NTNG1: variants seen among roughly 807,000 people sequenced by gnomAD.
NTNG1 encodes the protein netrin G1.
NTNG1 carries 16 observed loss-of-function variants against 54.0 expected under a neutral mutation model. The observed-to-expected ratio is 0.30, with a 90% CI of 0.20 to 0.45. The LOEUF (loss-of-function observed/expected upper bound fraction) is 0.45, where lower values mean the gene tolerates loss of function less well. Among genes scored for constraint, NTNG1 ranks in the 20% least tolerant of loss-of-function variants. The pLI is 1.00. For synonymous variants in NTNG1, 255 were observed against 263.1 expected (o/e 0.97, Z 0.30); for missense variants, 530 against 678.7 (o/e 0.78, Z 2.43).
At chr1:107,199,528 T>C (rs576225763) in intron 2 of NTNG1, among the ~76,000 whole-genome samples, 1 of 151,924 alleles carries the variant, frequency 6.6e-6, no homozygotes, top group Non-Finnish European at 1.5e-5. Context: ...ATTATCTCAA[T>C]GTCACATCAA....
intron 5 of NTNG1, among the ~76,000 whole-genome samples, chr1:107,415,536 G>C (rs888161574): frequency 8.5e-5 from 13 of 152,086 alleles, no homozygotes; most frequent in African/African-American, 2.9e-4. Context: ...TTAACAGCCA[G>C]ATAGCTCCTC....
chr1:107,402,391 G>A (rs568662591), intron 4 of NTNG1, among the ~76,000 whole-genome samples: 2 of 152,220 alleles, frequency 1.3e-5, no homozygotes, highest in South Asian at 2.1e-4. Flanking sequence ...ATGCTAGGAC[G>A]GTACTGTCAC....
intron 2 of NTNG1, among the ~76,000 whole-genome samples, chr1:107,163,519 T>C (rs7553752): frequency 0.56 from 85,898 of 152,044 alleles, 26,553 homozygotes; most frequent in African/African-American, 0.83. Context: ...CTTTCTGAAA[T>C]GTGTCTGGCT....
chr1:107,181,420 G>A (rs1268001893), intron 2 of NTNG1, among the ~76,000 whole-genome samples: 1 of 152,142 alleles, frequency 6.6e-6, no homozygotes, highest in Non-Finnish European at 1.5e-5. Context: ...TGGCTAGAAA[G>A]TTGTGTAAAG....
At chr1:107,407,860 A>G (rs1570894878) in intron 5 of NTNG1, 152 bp downstream of exon 5, 2 of 772,598 alleles carry the variant, frequency 2.6e-6, no homozygotes, top group East Asian at 4.9e-5. Context: ...GGTTTTCTGC[A>G]CAGATCTGGT....
At chr1:107,189,835 G>A (rs982176154) in intron 2 of NTNG1, among the ~76,000 whole-genome samples, 2 of 149,754 alleles carry the variant, frequency 1.3e-5, no homozygotes, top group East Asian at 1.9e-4. Context: ...AAAAAAAAGG[G>A]GGGGGCCTTA....
chr1:107,260,399 C>T (rs1157581427), intron 2 of NTNG1, among the ~76,000 whole-genome samples: 3 of 152,182 alleles, frequency 2.0e-5, no homozygotes, highest in Non-Finnish European at 4.4e-5. Context: ...ACAATGGGAT[C>T]CCCATTTCAC....
At chr1:107,261,809 C>CTCCA (rs1296500595) in intron 2 of NTNG1, among the ~76,000 whole-genome samples, 3 of 152,168 alleles carry the variant, frequency 2.0e-5, no homozygotes, top group Non-Finnish European at 4.4e-5. Flanking sequence ...CACCACTGCA[C>CTCCA]TCCAGCCTGG....
intron 2 of NTNG1, among the ~76,000 whole-genome samples, chr1:107,264,275 G>C (rs1397902411): frequency 1.3e-5 from 2 of 152,150 alleles, no homozygotes; most frequent in African/African-American, 4.8e-5. Flanking sequence ...GTGACAGTGA[G>C]AGAGACTTCT....
chr1:107,419,951 C>T (rs1674474262), intron 5 of NTNG1, among the ~76,000 whole-genome samples: 1 of 152,042 alleles, frequency 6.6e-6, no homozygotes, highest in Non-Finnish European at 1.5e-5. Flanking sequence ...ACAGATCAAG[C>T]TTGCCCCTAT....
At chr1:107,382,640 C>A (rs1369717378) in intron 3 of NTNG1, among the ~76,000 whole-genome samples, 1 of 152,030 alleles carries the variant, frequency 6.6e-6, no homozygotes, top group Non-Finnish European at 1.5e-5. Context: ...TTTCAGGGTT[C>A]TTTGTGTCTT....
intron 5 of NTNG1, chr1:107,421,079 T>C: frequency 6.2e-7 from 1 of 1,603,024 alleles, no homozygotes; most frequent in Non-Finnish European, 8.5e-7. Flanking sequence ...TTTAAACCTA[T>C]CCAGTTGCTC....
rs557746314 is a variant in NTNG1 at position 107,451,438 on chromosome 1, T to G, written c.1390+14639T>G. ...GCCCTAACACGGTTAACCAAAAATG[T>G]AAAAATGAGAAGGAAACATAACCTC... On this transcript the variant is annotated intron_variant, in intron 7 of 7. Coordinates refer to ENST00000370068, the MANE Select transcript of NTNG1 (RefSeq NM_001113226.3). Among the ~76,000 whole-genome samples the G allele has an allele frequency of 2.6e-5, 4 of 152,052 alleles. No homozygotes were observed. The East Asian group carries it at 5.8e-4, about 22-fold the overall frequency.
intron 2 of NTNG1, among the ~76,000 whole-genome samples, chr1:107,166,860 A>G (rs1655834422): frequency 6.6e-6 from 1 of 152,192 alleles, no homozygotes; most frequent in African/African-American, 2.4e-5. Context: ...CAATATCTAC[A>G]TAACAGTAGA....
intron 2 of NTNG1, among the ~76,000 whole-genome samples, chr1:107,293,761 A>G (rs1441237399): frequency 1.3e-5 from 2 of 152,206 alleles, no homozygotes; most frequent in Non-Finnish European, 2.9e-5. Context: ...AGAGCACTCA[A>G]TAAAAATTAA....
At chr1:107,448,323 A>G (rs1354864123) in intron 7 of NTNG1, among the ~76,000 whole-genome samples, 1 of 152,112 alleles carries the variant, frequency 6.6e-6, no homozygotes, top group Non-Finnish European at 1.5e-5. Flanking sequence ...AGCCATTTAT[A>G]GTCTTGCCAA....
chr1:107,336,635 A>C (rs138875485), intron 3 of NTNG1, among the ~76,000 whole-genome samples: 1 of 152,168 alleles, frequency 6.6e-6, no homozygotes, highest in Non-Finnish European at 1.5e-5. Context: ...GAACGTCATC[A>C]AAATTAACAA....
At chr1:107,456,101 G>T (rs1042466095) in intron 7 of NTNG1, among the ~76,000 whole-genome samples, 15 of 152,164 alleles carry the variant, frequency 9.9e-5, no homozygotes, top group African/African-American at 3.6e-4. Context: ...CTTAGAAACA[G>T]AAAACCATTA....
intron 2 of NTNG1, among the ~76,000 whole-genome samples, chr1:107,167,033 G>T (rs1037249967): frequency 1.1e-4 from 17 of 152,194 alleles, no homozygotes; most frequent in African/African-American, 4.1e-4. Context: ...AGGACATTCT[G>T]TAATCCCAGC....
Sources: gnomAD v4.1 joint callset for allele counts (sites outside exome capture counted in the v4.1 genomes callset) on GRCh38, gnomAD v4.1.1 for gene constraint, MANE v1.5 for transcripts, NCBI Gene and HGNC (gene_info 2026-07-23, HGNC 2026-07-21) for gene names.